The following EVL variants were observed in gnomAD, a reference collection of about 807,000 sequenced individuals.
The protein encoded by EVL is Enah/Vasp-like, also known as ena/VASP-like protein.
Under a neutral mutation model 59.6 loss-of-function variants are expected in EVL, and 21 were observed. The ratio of observed to expected loss-of-function variants is 0.35; its 90% CI spans 0.25 to 0.51. The LOEUF (loss-of-function observed/expected upper bound fraction) is 0.51. Ranked by LOEUF, EVL falls within the 20% of genes least tolerant of loss-of-function variation. The pLI, the probability that EVL is intolerant of heterozygous loss-of-function variation, is 0.97. For missense variants in EVL, 462 were observed against 546.6 expected, an observed-to-expected ratio of 0.85 and a Z score of 1.54; for synonymous variants, 198 against 203.5, an observed-to-expected ratio of 0.97 and a Z score of 0.23.
intron 1 of EVL, among the ~76,000 whole-genome samples, chr14:99,999,570 G>A (rs1442895843): frequency 1.3e-5 from 2 of 152,218 alleles, no homozygotes; most frequent in African/African-American, 4.8e-5. Context: ...GGCTGAGGCA[G>A]GAGGATCACC....
At chr14:100,006,826 A>AAAAAG (rs2060985476) in intron 1 of EVL, among the ~76,000 whole-genome samples, 2 of 150,794 alleles carry the variant, frequency 1.3e-5, no homozygotes, top group African/African-American at 2.4e-5. Context: ...AAAAAAAAAA[A>AAAAAG]GGAGTTGTAC....
chr14:100,105,331 C>G (rs989582907), intron 3 of EVL, among the ~76,000 whole-genome samples: 11 of 152,102 alleles, frequency 7.2e-5, no homozygotes, highest in Admixed American at 2.6e-4. Context: ...TCTCAGCAAC[C>G]CTCTAAGAAC....
chr14:100,131,333 C>A (rs149520601), intron 7 of EVL, among the ~76,000 whole-genome samples: 46 of 152,220 alleles, frequency 3.0e-4, no homozygotes, highest in African/African-American at 1.0e-3. Flanking sequence ...GAGTCAAGGC[C>A]CTCCCAAGAA....
rs149760982 is a variant in EVL, at chr14:100,045,351, G to A, written c.6-39336G>A. Among the ~76,000 whole-genome samples, 245 of 152,212 alleles carry A rather than the reference G, an allele frequency of 1.6e-3. 3 individuals are homozygous for A. Among genetic ancestry groups the A allele is most frequent in the East Asian group, 0.012 (62 of 5,180 alleles). On this transcript the variant is annotated intron_variant, in intron 1 of 13. Transcript: ENST00000402714. ...CATCCCCTGCTCTTGCCTTGTTATC[G>A]CACCTGCCACACTTTATCAGATATC... is the stretch of plus-strand genomic sequence containing the variant.
chr14:100,010,597 A>T (rs561485705), intron 1 of EVL, among the ~76,000 whole-genome samples: 2 of 152,294 alleles, frequency 1.3e-5, no homozygotes, highest in Non-Finnish European at 1.5e-5. Context: ...GGGTTTCGCC[A>T]TGTTGGCCAG....
In EVL at chr14:100,130,973, G is replaced by A. The variant is rs887022483; in HGVS notation, c.839+1289G>A. The stretch of plus-strand genomic sequence containing the variant: ...GAATGGCTCCGTGGGTGAGAGAGCC[G>A]GGAGGGCTCGCAGAACGATGAGGAC... On this transcript the variant is annotated intron_variant, in intron 7 of 13. Transcript: ENST00000392920. This position sits in a 1 kb window ranked among gnomAD's most constrained non-coding sequence, Gnocchi z 4.8. 6.6e-6 allele frequency among the ~76,000 whole-genome samples: 1 copy of A among 152,216 alleles called. No homozygotes were observed. The highest frequency in any genetic ancestry group is 1.5e-5 in the Non-Finnish European group (1 of 68,050).
chr14:100,027,316 C>T (rs527865908), intron 1 of EVL, among the ~76,000 whole-genome samples: 1 of 152,062 alleles, frequency 6.6e-6, no homozygotes, highest in Non-Finnish European at 1.5e-5. Flanking sequence ...ACTCTTGTTG[C>T]CCTATTGTAC....
At chr14:100,012,900 G>A (rs1049327818) in intron 1 of EVL, among the ~76,000 whole-genome samples, 3 of 152,232 alleles carry the variant, frequency 2.0e-5, no homozygotes, top group African/African-American at 7.2e-5. Flanking sequence ...CTAAAACCAA[G>A]GTCAGTGCTA....
intron 1 of EVL, among the ~76,000 whole-genome samples, chr14:100,006,962 C>G (rs2060986492): frequency 6.6e-6 from 1 of 152,086 alleles, no homozygotes; most frequent in African/African-American, 2.4e-5. Context: ...CTGGTACAAG[C>G]ACCAGTAGGA....
chr14:100,010,902 A>C (rs1349918494), intron 1 of EVL, among the ~76,000 whole-genome samples: 1 of 152,220 alleles, frequency 6.6e-6, no homozygotes, highest in African/African-American at 2.4e-5. Flanking sequence ...CATCTTTAGG[A>C]GATCCAAAAG....
At position 99,988,453 on chromosome 14, in the gene EVL, C is replaced by A. The variant is rs530398770; in HGVS notation, c.5+16396C>A. ...CTTACACATTGGGAATGTGGATAAA[C>A]CTCACATATTGGAGCCCTCGTACAT... is the stretch of plus-strand genomic sequence containing the variant. On this transcript the variant is annotated intron_variant, in intron 1 of 13. Transcript: ENST00000402714. 2.0e-5 allele frequency among the ~76,000 whole-genome samples: 3 copies of A among 152,248 alleles called. No homozygotes were observed. In the East Asian group the frequency reaches 5.8e-4, roughly 29 times the overall value.
intron 1 of EVL, among the ~76,000 whole-genome samples, chr14:100,048,340 A>G (rs1367918327): frequency 1.3e-5 from 2 of 152,226 alleles, no homozygotes; most frequent in Non-Finnish European, 2.9e-5. Context: ...GGCAAAAGAC[A>G]GACACTTCAC....
intron 1 of EVL, among the ~76,000 whole-genome samples, chr14:100,036,673 G>C (rs2140226593): frequency 6.6e-6 from 1 of 152,258 alleles, no homozygotes; most frequent in Non-Finnish European, 1.5e-5. Flanking sequence ...ACTAAAATGT[G>C]TATCATTTTA....
At chr14:99,990,087 TG>T (rs1026703376) in intron 1 of EVL, among the ~76,000 whole-genome samples, 2 of 152,230 alleles carry the variant, frequency 1.3e-5, no homozygotes, top group African/African-American at 4.8e-5. Context: ...ACTTAAGCTT[TG>T]TATAACATGG....
chr14:100,084,605 T>C (rs1420208964), intron 1 of EVL, 82 bp from the exon 2 acceptor site: 19 of 1,449,878 alleles, frequency 1.3e-5, no homozygotes, highest in Non-Finnish European at 1.6e-5. Context: ...CAAGTAGCAA[T>C]TGGCCTCTAT....
intron 1 of EVL, among the ~76,000 whole-genome samples, chr14:100,027,684 T>A (rs2140212061): frequency 6.6e-6 from 1 of 152,322 alleles, no homozygotes; most frequent in Middle Eastern, 3.4e-3. Flanking sequence ...TTTGTATCTT[T>A]TTTTTGTTTA....
At chr14:99,977,695 A>G (rs1004642490) in intron 1 of EVL, among the ~76,000 whole-genome samples, 3 of 151,526 alleles carry the variant, frequency 2.0e-5, no homozygotes, top group South Asian at 2.1e-4. Context: ...CGGCCCCCCA[A>G]AGTGCTGGGA....
intron 1 of EVL, among the ~76,000 whole-genome samples, chr14:100,082,187 C>T (rs1407072825): frequency 6.7e-6 from 1 of 150,170 alleles, no homozygotes; most frequent in Non-Finnish European, 1.5e-5. Context: ...TCCCCCGCAT[C>T]CCTCCAGGCT....
intron 1 of EVL, among the ~76,000 whole-genome samples, chr14:100,030,402 G>A (rs2061295821): frequency 6.6e-6 from 1 of 151,968 alleles, no homozygotes; most frequent in Admixed American, 6.6e-5. Flanking sequence ...GCGCCCGGCC[G>A]AGATTACCTC....
Sources: gnomAD v4.1 joint callset for allele counts (sites outside exome capture counted in the v4.1 genomes callset) on GRCh38, gnomAD v4.1.1 for gene constraint, Gnocchi (gnomAD v3.1) non-coding constraint, MANE v1.5 for transcripts, NCBI Gene and HGNC (gene_info 2026-07-23, HGNC 2026-07-21) for gene names.